The following PCDHA2 variants were observed in gnomAD, a reference collection of about 807,000 sequenced individuals.
PCDHA2 encodes protocadherin alpha 2.
In PCDHA2, 58 loss-of-function variants were observed where a neutral mutation model predicts 66.0. That is an observed-to-expected ratio of 0.88 (90% CI 0.71 to 1.09). The LOEUF (loss-of-function observed/expected upper bound fraction) is 1.09, where lower values mean the gene tolerates loss of function less well. Among genes scored for constraint, PCDHA2 ranks in the 50% least tolerant of loss-of-function variants. PCDHA2 has a pLI of 0.00. For missense variants in PCDHA2, 1,267 were observed against 1,242.3 expected (o/e 1.02, Z -0.30); for synonymous variants, 634 against 554.0 (o/e 1.14, Z -2.03).
intron 1 of PCDHA2, chr5:140,814,098 C>A (rs1252284807): frequency 6.5e-6 from 1 of 153,524 alleles, no homozygotes. Context: ...TTTGTAATAA[C>A]GCTTAGCTTA....
At chr5:140,928,691 T>C (rs1554206164) in intron 1 of PCDHA2, 1 of 1,614,148 alleles carries the variant, frequency 6.2e-7, no homozygotes, top group East Asian at 2.2e-5. Context: ...TCCTACCACA[T>C]CTCCCGGGCG....
intron 1 of PCDHA2, chr5:140,804,504 T>A (rs1332634114): frequency 6.6e-6 from 1 of 152,168 alleles, no homozygotes; most frequent in Non-Finnish European, 1.5e-5. Flanking sequence ...TATCTAATTT[T>A]AAAACTATCC....
chr5:140,809,721 A>G, intron 1 of PCDHA2: 1 of 851,958 alleles, frequency 1.2e-6, no homozygotes, highest in East Asian at 2.6e-5. Flanking sequence ...TTGGAATTAT[A>G]GGACATCAGA....
rs3806841 is a variant in PCDHA2, at chr5:140,855,953, T to C, written c.2388+58601T>C. On this transcript the variant is annotated intron_variant, in intron 1 of 3. Transcript: ENST00000526136. Reference sequence around the variant, plus strand: ...CATTCTGAGATCTCAGCCATTTCGATAAAAAATAGATATAAGAAATAGGAC... The same window carrying C: ...CATTCTGAGATCTCAGCCATTTCGACAAAAAATAGATATAAGAAATAGGAC... 9.7e-5 allele frequency: 134 copies of C among 1,381,096 alleles called. 3 individuals are homozygous for C. In the East Asian group the frequency reaches 3.0e-3, roughly 31 times the overall value. 85.6% of individuals were successfully genotyped at this position (1,381,096 alleles called of 1,614,324 possible).
In PCDHA2 at chr5:140,795,109, G is replaced by T. The variant is rs374233673; in HGVS notation, c.145G>T (p.Ala49Ser). The change falls in exon 1 of 4, where the codon GCG becomes TCG. Residue 49 changes from alanine (A) to serine (S), a missense_variant. Ala to Ser is a moderately conservative substitution (Grantham distance 99, BLOSUM62 1). Transcript: ENST00000526136. ...AKHGTFVGRI[A>S]QDLGLELEEL... ...ACACGGCACCTTCGTGGGCCGCATC[G>T]CGCAGGACCTGGGGCTGGAGCTGGA... 1 of 1,613,912 alleles carries T rather than the reference G, an allele frequency of 6.2e-7. No individual in the cohort carries two copies. Among genetic ancestry groups the T allele is most frequent in the African/African-American group, 1.3e-5 (1 of 74,938 alleles).
chr5:140,822,459 G>A, intron 1 of PCDHA2: 1 of 1,613,794 alleles, frequency 6.2e-7, no homozygotes, highest in Non-Finnish European at 8.5e-7. Context: ...TTCAGTTGTT[G>A]ATCAATGTAT....
At chr5:140,999,476 A>G (rs1209910607) in intron 3 of PCDHA2, among the ~76,000 whole-genome samples, 6 of 152,124 alleles carry the variant, frequency 3.9e-5, no homozygotes, top group African/African-American at 1.2e-4. Flanking sequence ...GCAGATTCCA[A>G]CTCAAGTCTA....
intron 1 of PCDHA2, among the ~76,000 whole-genome samples, chr5:140,971,815 A>G (rs988959952): frequency 3.2e-4 from 49 of 152,166 alleles, no homozygotes; most frequent in African/African-American, 1.1e-3. Flanking sequence ...TATTGAATAC[A>G]TATATGATTT....
intron 1 of PCDHA2, among the ~76,000 whole-genome samples, chr5:140,956,457 G>T (rs1197742299): frequency 2.0e-5 from 3 of 152,184 alleles, no homozygotes; most frequent in African/African-American, 7.2e-5. Flanking sequence ...TACATTTATT[G>T]ATTTGCATAT....
chr5:140,896,486 C>T (rs2065571972), intron 1 of PCDHA2, among the ~76,000 whole-genome samples: 2 of 151,948 alleles, frequency 1.3e-5, no homozygotes, highest in African/African-American at 4.8e-5. Context: ...CCTCAGCCTC[C>T]TGAGTAGCTG....
intron 1 of PCDHA2, among the ~76,000 whole-genome samples, chr5:140,872,206 T>A (rs2053543474): frequency 1.3e-5 from 2 of 152,340 alleles, no homozygotes; most frequent in Middle Eastern, 6.8e-3. Flanking sequence ...CATAAATTCA[T>A]TATATATGAA....
chr5:140,995,993 A>G (rs1017469411), intron 3 of PCDHA2, among the ~76,000 whole-genome samples: 16 of 152,226 alleles, frequency 1.1e-4, no homozygotes, highest in Non-Finnish European at 1.8e-4. Context: ...GCCACTCAAA[A>G]ATGTCGTCAG....
intron 1 of PCDHA2, among the ~76,000 whole-genome samples, chr5:140,855,336 A>AT (rs1438851451): frequency 6.7e-6 from 1 of 149,788 alleles, no homozygotes; most frequent in Non-Finnish European, 1.5e-5. Context: ...AGGTTAAACG[A>AT]TTTTCCCAAG....
At chr5:140,913,166 G>C (rs1357125827) in intron 1 of PCDHA2, among the ~76,000 whole-genome samples, 2 of 152,160 alleles carry the variant, frequency 1.3e-5, no homozygotes, top group African/African-American at 4.8e-5. Flanking sequence ...ATTGGTATTA[G>C]TTCTTCTTTA....
intron 1 of PCDHA2, chr5:140,849,159 C>T (rs1554142780): frequency 2.5e-6 from 3 of 1,184,538 alleles, no homozygotes; most frequent in Non-Finnish European, 3.5e-6. Context: ...CAAACCCGAG[C>T]TGACTGGCAC....
chr5:140,920,137 T>C (rs182001221), intron 1 of PCDHA2, among the ~76,000 whole-genome samples: 29 of 152,242 alleles, frequency 1.9e-4, no homozygotes, highest in Admixed American at 1.8e-3. Flanking sequence ...TTAATTCTCC[T>C]CTCCAAACCT....
chr5:140,898,138 T>C (rs1294129650), intron 1 of PCDHA2, among the ~76,000 whole-genome samples: 1 of 152,208 alleles, frequency 6.6e-6, no homozygotes, highest in African/African-American at 2.4e-5. Flanking sequence ...ATTTTGTAGG[T>C]TGCCTGTTCA....
Position 140,895,882 on chromosome 5 carries a change from G to C in PCDHA2, c.2389-83067G>C, listed in dbSNP as rs1014874596. Among the ~76,000 whole-genome samples the C allele has an allele frequency of 5.3e-5, 8 of 152,250 alleles. No individual in the cohort carries two copies. The East Asian group carries it at 9.6e-4, about 18-fold the overall frequency. On this transcript the variant is annotated intron_variant, in intron 1 of 3. Coordinates refer to ENST00000526136, the MANE Select transcript of PCDHA2 (RefSeq NM_018905.3). ...GCTGGAGTGCAATGGCGCGATCTCGGCTCACTGCAACCTCCGCGTCCCGGG... is the reference window on the plus strand; with the variant it reads ...GCTGGAGTGCAATGGCGCGATCTCGCCTCACTGCAACCTCCGCGTCCCGGG...
chr5:140,938,062 A>G (rs2091901426), intron 1 of PCDHA2, among the ~76,000 whole-genome samples: 1 of 152,176 alleles, frequency 6.6e-6, no homozygotes, highest in Non-Finnish European at 1.5e-5. Context: ...ATATACTGTC[A>G]TGCTATTCCC....
Sources: allele counts gnomAD v4.1 joint callset (sites outside exome capture counted in the v4.1 genomes callset), GRCh38; gene constraint gnomAD v4.1.1; transcripts MANE v1.5; gene names NCBI Gene and HGNC (gene_info 2026-07-23, HGNC 2026-07-21).